The following SCAF11 variants were observed in gnomAD, a reference collection of about 807,000 sequenced individuals.
SCAF11 encodes the protein SR-related CTD associated factor 11.
Under a neutral mutation model 140.5 loss-of-function variants are expected in SCAF11, and 47 were observed. That is an observed-to-expected ratio of 0.33 (90% CI 0.26 to 0.43). The LOEUF (loss-of-function observed/expected upper bound fraction) is 0.43. Ranked by LOEUF, SCAF11 falls within the 20% of genes least tolerant of loss-of-function variation. SCAF11 has a pLI of 1.00. For missense variants in SCAF11, 1,645 were observed against 1,705.1 expected, an observed-to-expected ratio of 0.96 and a Z score of 0.62; for synonymous variants, 557 against 579.4, an observed-to-expected ratio of 0.96 and a Z score of 0.55.
intron 6 of SCAF11, among the ~76,000 whole-genome samples, chr12:45,942,118 G>A (rs2136550116): frequency 6.6e-6 from 1 of 152,296 alleles, no homozygotes; most frequent in African/African-American, 2.4e-5. Context: ...TATAAAATGT[G>A]TTTATCAACT....
At chr12:45,947,433 A>G (rs1451428616) in intron 5 of SCAF11, among the ~76,000 whole-genome samples, 1 of 152,240 alleles carries the variant, frequency 6.6e-6, no homozygotes. Context: ...GTTTTAACAT[A>G]AACACTTGTT....
chr12:45,934,310 G>A lies in SCAF11; in HGVS notation c.523-25C>T, dbSNP rs1175212223. On this transcript the variant is annotated intron_variant, in intron 7 of 14. Coordinates refer to ENST00000369367, the MANE Select transcript of SCAF11 (RefSeq NM_004719.3). Reference sequence around the variant, plus strand: ...GCTAGAAAAGTAAAAAGTAGTTAGTGAAACAGCAAATAAATAACAGGTAAA... The same window carrying A: ...GCTAGAAAAGTAAAAAGTAGTTAGTAAAACAGCAAATAAATAACAGGTAAA... The A allele has an allele frequency of 4.0e-6, 6 of 1,496,528 alleles. No homozygotes were observed. The African/African-American group carries it at 6.9e-5, about 17-fold the overall frequency. The allele number at this position is 1,496,528 out of a possible 1,614,324, so 92.7% of individuals were successfully genotyped here. A position where few individuals can be genotyped will look rare whatever the true frequency, so the allele number is the denominator to read the frequency against.
Position 45,934,234 on chromosome 12 carries a change from T to G in SCAF11, c.574A>C (p.Asn192His). The part of the protein sequence containing the change: ...TNQCFRNFFS[N>H]MFSSVSHSGE... ...GAGTGGCTAACAGAAGAAAACATATTGGAGAAAAAATTTCTGAAGCACTGA... is the reference window on the plus strand; with the variant it reads ...GAGTGGCTAACAGAAGAAAACATATGGGAGAAAAAATTTCTGAAGCACTGA... The change falls in exon 8 of 15, where the codon AAT (asparagine) becomes CAT (histidine). Residue 192 changes from asparagine to histidine, a missense_variant. Asn to His is a moderately conservative substitution (Grantham distance 68). This residue lies in a region of SCAF11 where 1,582 missense variants were observed against 1,609.2 expected (regional missense o/e 0.98). Coordinates refer to ENST00000369367, the MANE Select transcript of SCAF11 (RefSeq NM_004719.3). 1 of 1,612,128 alleles carries G rather than the reference T, an allele frequency of 6.2e-7. No homozygotes were observed. Among genetic ancestry groups the G allele is most frequent in the Non-Finnish European group, 8.5e-7 (1 of 1,178,852 alleles).
intron 1 of SCAF11, among the ~76,000 whole-genome samples, chr12:45,966,607 T>G (rs570134140): frequency 6.6e-6 from 1 of 152,062 alleles, no homozygotes; most frequent in South Asian, 2.1e-4. Context: ...AAAGGGACAT[T>G]TGAACTGGCA....
intron 9 of SCAF11, 76 bp downstream of exon 9, chr12:45,933,055 C>A: frequency 2.1e-6 from 2 of 942,306 alleles, no homozygotes; most frequent in Non-Finnish European, 1.6e-6. Flanking sequence ...AATAAGGTAC[C>A]CTTGTACTTA....
At chr12:45,954,705 G>T in intron 3 of SCAF11, 1 of 148,694 alleles carries the variant, frequency 6.7e-6, no homozygotes, top group African/African-American at 2.5e-5. Context: ...CAAGTAGCTG[G>T]GATACATGCA....
intron 5 of SCAF11, among the ~76,000 whole-genome samples, chr12:45,947,976 C>A (rs959880113): frequency 6.6e-6 from 1 of 152,204 alleles, no homozygotes; most frequent in Non-Finnish European, 1.5e-5. Context: ...CACACCTGGC[C>A]AGCATTCAGA....
At chr12:45,984,401 T>G (rs1249997068) in intron 1 of SCAF11, among the ~76,000 whole-genome samples, 1 of 152,238 alleles carries the variant, frequency 6.6e-6, no homozygotes, top group Admixed American at 6.5e-5. Context: ...AATTATGATG[T>G]GTTTTTCTCA....
At chr12:45,964,559 C>A (rs1258459074) in intron 1 of SCAF11, among the ~76,000 whole-genome samples, 1 of 151,394 alleles carries the variant, frequency 6.6e-6, no homozygotes, top group East Asian at 2.0e-4. Context: ...CCCAGCTGCT[C>A]GGGAGGTTGA....
At chr12:45,976,502 C>G (rs1473999477) in intron 1 of SCAF11, among the ~76,000 whole-genome samples, 1 of 152,086 alleles carries the variant, frequency 6.6e-6, no homozygotes, top group Non-Finnish European at 1.5e-5. Flanking sequence ...TCTGTAGTTT[C>G]AGGCATCTAC....
In SCAF11 at chr12:45,928,529, C is replaced by T. The variant is rs538129997; in HGVS notation, c.1172G>A (p.Arg391Gln). Residue 391 changes from arginine to glutamine, a missense_variant, in exon 11 of 15, where the codon CGG becomes CAG. Coordinates refer to ENST00000369367, the MANE Select transcript of SCAF11 (RefSeq NM_004719.3). ...RKPPLLKKKL[R>Q]SSVAAPEKSS... ...TTTTTCAGGGGCAGCTACAGAGCTC[C>T]GAAGTTTCTTTTTCAGTAAAGGTGG... is the stretch of plus-strand genomic sequence containing the variant. 1.6e-5 allele frequency: 26 copies of T among 1,614,008 alleles called. No individual in the cohort carries two copies. The highest frequency in any genetic ancestry group is 8.0e-5 in the African/African-American group (6 of 74,988).
rs1188065450 is a variant in SCAF11, at chr12:45,931,542, T to C, written c.805A>G (p.Ile269Val). ...AAAGATATGGTACTTGTTGGAAAAA[T>C]AGTTCTTGGCAACACAGAAGAAATG... Reference protein sequence around the residue: ...PLISSVLPRTIFPTSTISFEH... With the variant: ...PLISSVLPRTVFPTSTISFEH... Residue 269 changes from isoleucine to valine, a missense_variant, in exon 10 of 15, where the codon ATT becomes GTT. Ile to Val is a conservative substitution (Grantham distance 29, BLOSUM62 3). This residue lies in a region of SCAF11 where 1,582 missense variants were observed against 1,609.2 expected (regional missense o/e 0.98). Coordinates refer to ENST00000369367, the MANE Select transcript of SCAF11 (RefSeq NM_004719.3). The C allele has an allele frequency of 1.3e-6, 2 of 1,504,710 alleles. No individual in the cohort carries two copies. Among genetic ancestry groups the C allele is most frequent in the East Asian group, 2.6e-5 (1 of 38,892 alleles). The allele number at this position is 1,504,710 out of a possible 1,614,324, so 93.2% of individuals were successfully genotyped here.
chr12:45,954,557 T>C lies in SCAF11; in HGVS notation c.220-2830A>G, dbSNP rs139674349. On this transcript the variant is annotated intron_variant, in intron 3 of 14. Coordinates refer to ENST00000369367, the MANE Select transcript of SCAF11 (RefSeq NM_004719.3). Reference sequence around the variant, plus strand: ...CAATTTTGAATTATGACAGTTTTAATCTAAGCTGTTACTTTTTTTTTTTTT... The same window carrying C: ...CAATTTTGAATTATGACAGTTTTAACCTAAGCTGTTACTTTTTTTTTTTTT... Among the ~76,000 whole-genome samples the C allele has an allele frequency of 6.0e-4, 91 of 150,906 alleles. 1 individual carries two copies. In the East Asian group the frequency reaches 0.011, roughly 19 times the overall value.
Position 45,934,136 on chromosome 12 carries a change from C to T in SCAF11, c.632+40G>A, listed in dbSNP as rs569156140. ...GCAAAAGTTAATAATTATTAAACAT[C>T]AAGTATAAACAGCATAAATTAAAAG... On this transcript the variant is annotated intron_variant, in intron 8 of 14. Coordinates refer to ENST00000369367, the MANE Select transcript of SCAF11 (RefSeq NM_004719.3). 4.0e-6 allele frequency: 4 copies of T among 1,008,898 alleles called. No homozygotes were observed. In the South Asian group the frequency reaches 8.0e-5, roughly 20 times the overall value. 62.5% of individuals were successfully genotyped at this position (1,008,898 alleles called of 1,614,324 possible).
At chr12:45,932,035 G>A (rs1192576959) in intron 9 of SCAF11, among the ~76,000 whole-genome samples, 3 of 151,892 alleles carry the variant, frequency 2.0e-5, no homozygotes, top group Non-Finnish European at 4.4e-5. Flanking sequence ...TTACCAAAGT[G>A]TGTGCATATA....
intron 3 of SCAF11, chr12:45,956,124 G>A (rs888807613): frequency 1.1e-5 from 8 of 716,240 alleles, no homozygotes; most frequent in Non-Finnish European, 2.1e-5. Flanking sequence ...CAGGATCCTC[G>A]ATTTCTAATT....
chr12:45,927,433 A>C lies in SCAF11; in HGVS notation c.2268T>G (p.Asn756Lys). The C allele has an allele frequency of 6.2e-7, 1 of 1,613,672 alleles. No individual in the cohort carries two copies. The highest frequency in any genetic ancestry group is 8.5e-7 in the Non-Finnish European group (1 of 1,179,878). ...ENSVTHCSENNMPSSDLADEK... is the reference protein window; with the variant it reads ...ENSVTHCSENKMPSSDLADEK... ...CATCCGCAAGATCAGAAGACGGCATATTATTTTCAGAACAGTGTGTCACAG... is the reference window on the plus strand; with the variant it reads ...CATCCGCAAGATCAGAAGACGGCATCTTATTTTCAGAACAGTGTGTCACAG... Residue 756 changes from asparagine to lysine, a missense_variant, in exon 11 of 15, where the codon AAT becomes AAG. By Grantham distance (94) the Asn-to-Lys change is moderately conservative. Transcript: ENST00000369367.
chr12:45,922,086 G>A lies in SCAF11; in HGVS notation c.4354C>T (p.Leu1452=), dbSNP rs372902559. The change falls in exon 15 of 15, where the codon CTG becomes TTG. Residue 1452 remains leucine (L), a synonymous_variant. Coordinates refer to ENST00000369367, the MANE Select transcript of SCAF11 (RefSeq NM_004719.3). ...TTTTCAGTAGACACAGGTTCTTCCA[G>A]AGTTTTCTTTTGGCTCCCCTTCCGT... The part of the protein sequence containing the change: ...YSRKGSQKKT[L]EEPVSTEKNI... 1.2e-6 allele frequency: 2 copies of A among 1,613,360 alleles called. No individual in the cohort carries two copies. The highest frequency in any genetic ancestry group is 1.7e-6 in the Non-Finnish European group (2 of 1,179,814).
chr12:45,930,440 GTTTTGTTTTTTTTTT>G (rs1945013445), intron 10 of SCAF11, among the ~76,000 whole-genome samples: 2 of 140,440 alleles, frequency 1.4e-5, no homozygotes, highest in African/African-American at 5.6e-5. Context: ...TTTGCGTTGT[GTTTTGTTTTTTTTTT>G]GTTTTTTTTT....
Sources: allele counts gnomAD v4.1 joint callset (sites outside exome capture counted in the v4.1 genomes callset), GRCh38; gene constraint gnomAD v4.1.1; regional missense constraint gnomAD v4.1.1; transcripts MANE v1.5; gene names NCBI Gene and HGNC (gene_info 2026-07-23, HGNC 2026-07-21).